Variants in RPF2 observed in about 807,000 individuals in gnomAD.
RPF2 encodes the protein brix domain containing 1.
Under a neutral mutation model 38.9 loss-of-function variants are expected in RPF2, and 21 were observed. The ratio of observed to expected loss-of-function variants is 0.54; its 90% CI spans 0.38 to 0.78. RPF2 has a LOEUF of 0.78. Among genes scored for constraint, RPF2 ranks in the 30% least tolerant of loss-of-function variants. RPF2 has a pLI of 0.00. For missense variants in RPF2, 314 were observed against 358.1 expected (o/e 0.88, Z 0.99); for synonymous variants, 121 against 126.2 (o/e 0.96, Z 0.28).
At chr6:111,012,265 G>A (rs1772030551) in intron 7 of RPF2, among the ~76,000 whole-genome samples, 1 of 148,690 alleles carries the variant, frequency 6.7e-6, no homozygotes, top group African/African-American at 2.5e-5. Context: ...TAACTTTCTG[G>A]TCTCAAGCAA....
rs1424634091 is a variant in RPF2, at chr6:111,024,328, G to A, written c.741+1G>A. 1 of 1,598,770 alleles carries A rather than the reference G, an allele frequency of 6.3e-7. No individual in the cohort carries two copies. On this transcript the variant is annotated splice_donor_variant, in intron 9 of 9. Coordinates refer to ENST00000441448, the MANE Select transcript of RPF2 (RefSeq NM_032194.3). LOFTEE classifies it high-confidence loss of function. Reference sequence around the variant, plus strand: ...TATGAAAATGCCAAAAGCTCTCAAGGTATATAACTTAGAGCTTGGTACCAC... The same window carrying A: ...TATGAAAATGCCAAAAGCTCTCAAGATATATAACTTAGAGCTTGGTACCAC...
chr6:111,010,763 C>T (rs916258482), intron 7 of RPF2, among the ~76,000 whole-genome samples: 2 of 152,094 alleles, frequency 1.3e-5, no homozygotes, highest in Admixed American at 6.6e-5. Flanking sequence ...CTTTACAAAT[C>T]TGAGCCCACC....
At chr6:111,010,754 T>C (rs750325027) in intron 7 of RPF2, among the ~76,000 whole-genome samples, 3 of 152,222 alleles carry the variant, frequency 2.0e-5, no homozygotes, top group Non-Finnish European at 4.4e-5. Context: ...ATGCACATGC[T>C]TTACAAATCT....
chr6:110,986,192 A>G (rs1771522921), intron 2 of RPF2, among the ~76,000 whole-genome samples: 1 of 152,218 alleles, frequency 6.6e-6, no homozygotes, highest in Admixed American at 6.5e-5. Context: ...CATGGGTCAC[A>G]TAGTAACATG....
intron 7 of RPF2, among the ~76,000 whole-genome samples, chr6:111,009,448 C>T (rs1007227392): frequency 1.3e-5 from 2 of 151,926 alleles, no homozygotes; most frequent in Admixed American, 6.6e-5. Context: ...CCTCCTTGGC[C>T]TCCCAAAATG....
At position 111,025,489 on chromosome 6, in the gene RPF2, A is replaced by T; in HGVS notation, c.828A>T (p.Leu276=). 1 of 1,613,812 alleles carries T rather than the reference A, an allele frequency of 6.2e-7. No individual in the cohort carries two copies. Among genetic ancestry groups the T allele is most frequent in the South Asian group, 1.1e-5 (1 of 91,042 alleles). The change falls in exon 10 of 10, where the codon CTA becomes CTT. Residue 276 remains leucine, a synonymous_variant. Transcript: ENST00000441448. ...TGCAGAAGCAAGACCTAAGCAAACT[A>T]CAAACCAGGAAAATGAAGGGGTTGA... The part of the protein sequence containing the change: ...IHMQKQDLSK[L]QTRKMKGLKK...
intron 6 of RPF2, among the ~76,000 whole-genome samples, chr6:111,006,717 C>T (rs1562371815): frequency 6.6e-6 from 1 of 152,168 alleles, no homozygotes; most frequent in Non-Finnish European, 1.5e-5. Flanking sequence ...AAGCGATCCT[C>T]CTACCTCACG....
chr6:110,982,197 G>C lies in RPF2; in HGVS notation c.23+68G>C, dbSNP rs1771443751. ...AGGGTCCCGTGATGAGGGTGGTACT[G>C]TCTCGGCCTCTCACTCTTCCTGGTT... On this transcript the variant is annotated intron_variant, in intron 1 of 9. Transcript: ENST00000441448. 1.9e-6 allele frequency: 3 copies of C among 1,549,270 alleles called. No homozygotes were observed. In the Admixed American group the frequency reaches 5.0e-5, roughly 26 times the overall value.
intron 2 of RPF2, among the ~76,000 whole-genome samples, chr6:110,985,631 G>T (rs1771511139): frequency 6.6e-6 from 1 of 151,976 alleles, no homozygotes; most frequent in Non-Finnish European, 1.5e-5. Context: ...AGGGTAGGGT[G>T]GGAAACAGTT....
rs570902187 is a variant in RPF2, at chr6:111,006,558, C to A, written c.394-1480C>A. On this transcript the variant is annotated intron_variant, in intron 6 of 9. Coordinates refer to ENST00000441448, the MANE Select transcript of RPF2 (RefSeq NM_032194.3). ...AGCCCATAGCCTTCATTTTAAAATA[C>A]TTTTTATAGGGTATAGTGGGAAAGG... Among the ~76,000 whole-genome samples the A allele has an allele frequency of 1.5e-3, 234 of 152,102 alleles. 8 individuals are homozygous for A. The South Asian group carries it at 0.048, about 31-fold the overall frequency.
intron 6 of RPF2, among the ~76,000 whole-genome samples, chr6:111,005,998 G>A (rs1771900874): frequency 6.6e-6 from 1 of 152,044 alleles, no homozygotes; most frequent in African/African-American, 2.4e-5. Flanking sequence ...TAGAGACAGG[G>A]TTTTACCATG....
chr6:111,011,368 A>G lies in RPF2; in HGVS notation c.493+3231A>G, dbSNP rs185657326. On this transcript the variant is annotated intron_variant, in intron 7 of 9. Transcript: ENST00000441448. ...CCTGGCATGATCTCAGCTCACTGCA[A>G]CCTCCACCTCCCAGGGTCAAGCAAT... is the stretch of plus-strand genomic sequence containing the variant. Among the ~76,000 whole-genome samples the G allele has an allele frequency of 2.1e-4, 31 of 146,958 alleles. No homozygotes were observed. In the Admixed American group the frequency reaches 2.1e-3, roughly 10 times the overall value.
At chr6:111,014,223 G>A (rs1396634588) in intron 7 of RPF2, among the ~76,000 whole-genome samples, 2 of 150,840 alleles carry the variant, frequency 1.3e-5, no homozygotes, top group Non-Finnish European at 2.9e-5. Flanking sequence ...TGCAATCTCC[G>A]CCTCCCAGGT....
chr6:111,011,867 G>T (rs893901167), intron 7 of RPF2, among the ~76,000 whole-genome samples: 2 of 152,100 alleles, frequency 1.3e-5, no homozygotes, highest in Non-Finnish European at 2.9e-5. Flanking sequence ...GTGGTGAGGG[G>T]AAGGGAGTGA....
chr6:111,000,415 C>T (rs974793144), intron 6 of RPF2, among the ~76,000 whole-genome samples: 3 of 152,182 alleles, frequency 2.0e-5, no homozygotes, highest in Non-Finnish European at 2.9e-5. Flanking sequence ...TGAATTATCA[C>T]AGCACCTATT....
In RPF2 at chr6:111,025,751, C is replaced by G. The variant is rs1257940712; in HGVS notation, c.*169C>G. 11 of 482,752 alleles carry G rather than the reference C, an allele frequency of 2.3e-5. No homozygotes were observed. The highest frequency in any genetic ancestry group is 3.9e-5 in the Non-Finnish European group (11 of 285,594). 29.9% of individuals were successfully genotyped at this position (482,752 alleles called of 1,614,324 possible). On this transcript the variant is annotated 3_prime_UTR_variant, in exon 10 of 10. Coordinates refer to ENST00000441448, the MANE Select transcript of RPF2 (RefSeq NM_032194.3). ...ATACTAGTATTAAGTGTAAAGTAAG[C>G]CTTTTATTTGAGACATTACACCCTG...
In RPF2 at chr6:111,026,389, A is replaced by G. The variant is rs1772328752; in HGVS notation, c.*807A>G. 1 of 151,970 alleles carries G rather than the reference A, an allele frequency of 6.6e-6. No homozygotes were observed. Among genetic ancestry groups the G allele is most frequent in the Non-Finnish European group, 1.5e-5 (1 of 68,092 alleles). 9.4% of individuals were successfully genotyped at this position (151,970 alleles called of 1,614,324 possible). ...AGCCCTACTTTTTTTTTTTAAAGCA[A>G]TGAGGTCTTGCTGTGTTGCCCAGGC... On this transcript the variant is annotated 3_prime_UTR_variant, in exon 10 of 10. Coordinates refer to ENST00000441448, the MANE Select transcript of RPF2 (RefSeq NM_032194.3).
At chr6:110,999,943 T>C (rs1771785598) in intron 6 of RPF2, among the ~76,000 whole-genome samples, 156 bp downstream of exon 6, 3 of 152,234 alleles carry the variant, frequency 2.0e-5, no homozygotes, top group Admixed American at 1.3e-4. Context: ...TTATTTTACC[T>C]TTCTTTTAAA....
chr6:111,023,613 A>T (rs1285767941), intron 8 of RPF2, among the ~76,000 whole-genome samples: 1 of 152,150 alleles, frequency 6.6e-6, no homozygotes, highest in Non-Finnish European at 1.5e-5. Flanking sequence ...AAATAAGCAA[A>T]CTGCCCTTGA....
Sources: gnomAD v4.1 joint callset for allele counts (sites outside exome capture counted in the v4.1 genomes callset) on GRCh38, gnomAD v4.1.1 for gene constraint, MANE v1.5 for transcripts, NCBI Gene and HGNC (gene_info 2026-07-23, HGNC 2026-07-21) for gene names.